SFXN5: variants seen among roughly 807,000 people sequenced by gnomAD.
SFXN5 encodes sideroflexin-5.
Under a neutral mutation model 50.2 loss-of-function variants are expected in SFXN5, and 43 were observed. The ratio of observed to expected loss-of-function variants is 0.86; its 90% CI spans 0.67 to 1.11. The LOEUF is 1.11. Among genes scored for constraint, SFXN5 ranks in the 50% least tolerant of loss-of-function variants. The pLI is 0.00. For missense variants in SFXN5, 463 were observed against 454.1 expected (o/e 1.02, Z -0.18); for synonymous variants, 203 against 185.8 (o/e 1.09, Z -0.75).
chr2:72,988,766 C>T (rs1000281288), intron 9 of SFXN5, among the ~76,000 whole-genome samples: 2 of 152,036 alleles, frequency 1.3e-5, no homozygotes, highest in Non-Finnish European at 2.9e-5. Context: ...TAAGCACCAT[C>T]TTTCTGAAAC....
chr2:72,970,877 G>A (rs1030567763), intron 11 of SFXN5, among the ~76,000 whole-genome samples: 2 of 152,002 alleles, frequency 1.3e-5, no homozygotes, highest in Non-Finnish European at 2.9e-5. Flanking sequence ...TAGTAGAGAC[G>A]GGGTTTTGCC....
rs56161051 is a variant in SFXN5, at chr2:72,992,596, G to A, written c.535-4248C>T. On this transcript the variant is annotated intron_variant, in intron 9 of 13. Coordinates refer to ENST00000272433, the MANE Select transcript of SFXN5 (RefSeq NM_144579.3). This position sits in a 1 kb window ranked among gnomAD's most constrained non-coding sequence, Gnocchi z 4.5. The stretch of plus-strand genomic sequence containing the variant: ...CTTCTCATGCCAGAGACCTCACAGC[G>A]TTCTGGGCAGGAGCCTCCTGGGGCC... Among the ~76,000 whole-genome samples the A allele has an allele frequency of 0.062, 9,477 of 152,252 alleles. 370 individuals carry two copies. The highest frequency in any genetic ancestry group is 0.16 in the East Asian group (852 of 5,172).
chr2:72,998,631 T>C, intron 9 of SFXN5: 1 of 359,600 alleles, frequency 2.8e-6, no homozygotes, highest in Admixed American at 4.2e-5. Flanking sequence ...CCAGCCACGT[T>C]ACCGAGCATG....
rs571986336 is a variant in SFXN5 at position 73,047,297 on chromosome 2, T to A, written c.172-6366A>T. Among the ~76,000 whole-genome samples the A allele has an allele frequency of 2.7e-3, 177 of 64,660 alleles. 4 individuals carry two copies. In the East Asian group the frequency reaches 0.028, roughly 10 times the overall value. 42.4% of individuals were successfully genotyped at this position (64,660 alleles called of 152,430 possible). A position where few individuals can be genotyped will look rare whatever the true frequency, so the allele number is the denominator to read the frequency against. On this transcript the variant is annotated intron_variant, in intron 2 of 13. Coordinates refer to ENST00000272433, the MANE Select transcript of SFXN5 (RefSeq NM_144579.3). ...ATATACACACATATATATATATATATAAAATATATATGTGTGTGTATGTAT... is the reference window on the plus strand; with the variant it reads ...ATATACACACATATATATATATATAAAAAATATATATGTGTGTGTATGTAT...
Position 72,961,304 on chromosome 2 carries a change from GC to G in SFXN5, c.828-57del. ...GACCCGAAGGTGGGGTGGGCTGGCTGCCAGCCACCATGCTGGGTCCCACTCT... is the reference window on the plus strand; with the variant it reads ...GACCCGAAGGTGGGGTGGGCTGGCTGCAGCCACCATGCTGGGTCCCACTCT... On this transcript the variant is annotated intron_variant, in intron 12 of 13. Coordinates refer to ENST00000272433, the MANE Select transcript of SFXN5 (RefSeq NM_144579.3). The surrounding 1 kb of genome is among the most constrained non-coding windows in gnomAD (Gnocchi z 4.4). 2 of 1,268,054 alleles carry G rather than the reference GC, an allele frequency of 1.6e-6. No homozygotes were observed. The highest frequency in any genetic ancestry group is 2.1e-6 in the Non-Finnish European group (2 of 940,226). 78.6% of individuals were successfully genotyped at this position (1,268,054 alleles called of 1,614,324 possible).
intron 2 of SFXN5, among the ~76,000 whole-genome samples, chr2:73,046,390 T>A (rs1178229422): frequency 6.5e-5 from 9 of 137,600 alleles, no homozygotes; most frequent in African/African-American, 2.3e-4. Context: ...GCCTGGGCAA[T>A]AGAGTGAGAC....
intron 10 of SFXN5, among the ~76,000 whole-genome samples, chr2:72,977,475 T>C (rs1670759282): frequency 6.6e-6 from 1 of 152,080 alleles, no homozygotes; most frequent in Non-Finnish European, 1.5e-5. Context: ...TCACTAATAA[T>C]CAGGGTTAGG....
At chr2:72,957,826 CTTG>C (rs1216039633) in intron 13 of SFXN5, among the ~76,000 whole-genome samples, 1 of 152,232 alleles carries the variant, frequency 6.6e-6, no homozygotes, top group East Asian at 1.9e-4. Context: ...TAGCCTGCAT[CTTG>C]TTGGGATCCA....
chr2:73,013,992 TATAA>T (rs1413494230), intron 6 of SFXN5, among the ~76,000 whole-genome samples: 1 of 152,182 alleles, frequency 6.6e-6, no homozygotes, highest in African/African-American at 2.4e-5. Context: ...TTTAACATTA[TATAA>T]ATGACAGAGA....
At chr2:72,989,168 C>T (rs922698263) in intron 9 of SFXN5, among the ~76,000 whole-genome samples, 3 of 152,190 alleles carry the variant, frequency 2.0e-5, no homozygotes, top group South Asian at 2.1e-4. Context: ...AGTTCAACCC[C>T]GAGAGTCCAG....
intron 3 of SFXN5, among the ~76,000 whole-genome samples, chr2:73,034,060 G>GT (rs1678654789): frequency 6.6e-6 from 1 of 152,202 alleles, no homozygotes; most frequent in Non-Finnish European, 1.5e-5. Context: ...TCTGTGTGCT[G>GT]TATCAGCAAT....
chr2:72,962,305 C>T (rs1228198179), intron 12 of SFXN5, among the ~76,000 whole-genome samples: 2 of 152,216 alleles, frequency 1.3e-5, no homozygotes, highest in African/African-American at 4.8e-5. Flanking sequence ...CTGACCATGC[C>T]ACAGGCAGGT....
chr2:73,046,625 C>T (rs916542506), intron 2 of SFXN5, among the ~76,000 whole-genome samples: 1 of 151,900 alleles, frequency 6.6e-6, no homozygotes, highest in African/African-American at 2.4e-5. Flanking sequence ...TGCAGTGAAC[C>T]ATGATCACTG....
At chr2:72,985,387 G>C (rs1281830176) in intron 10 of SFXN5, among the ~76,000 whole-genome samples, 1 of 152,130 alleles carries the variant, frequency 6.6e-6, no homozygotes, top group African/African-American at 2.4e-5. Flanking sequence ...GGTGAAGAGA[G>C]GCCAAGTACA....
At chr2:72,981,973 G>GTGTGTGTC (rs1420287701) in intron 10 of SFXN5, among the ~76,000 whole-genome samples, 1 of 151,332 alleles carries the variant, frequency 6.6e-6, no homozygotes, top group Admixed American at 6.6e-5. Flanking sequence ...CTTTGTGTGT[G>GTGTGTGTC]TGTGTGTGTG....
At chr2:72,949,707 G>A (rs975787102) in intron 13 of SFXN5, among the ~76,000 whole-genome samples, 11 of 152,116 alleles carry the variant, frequency 7.2e-5, no homozygotes, top group Non-Finnish European at 1.2e-4. Flanking sequence ...GAGCATCTGT[G>A]GGAATCAGAG....
intron 13 of SFXN5, among the ~76,000 whole-genome samples, chr2:72,956,358 TTG>T (rs1559083768): frequency 2.0e-5 from 3 of 152,114 alleles, no homozygotes; most frequent in African/African-American, 7.2e-5. Flanking sequence ...CAGCTCTGGG[TTG>T]GAAAAGACAT....
intron 13 of SFXN5, among the ~76,000 whole-genome samples, chr2:72,955,104 G>T (rs1183262880): frequency 6.6e-6 from 1 of 152,170 alleles, no homozygotes; most frequent in East Asian, 1.9e-4. Context: ...GCTCCCGGCT[G>T]CCCCCCTGCT....
chr2:73,027,164 G>A lies in SFXN5; in HGVS notation c.250-3950C>T, dbSNP rs568447635. 3.2e-3 allele frequency among the ~76,000 whole-genome samples: 493 copies of A among 152,256 alleles called. 5 individuals are homozygous for A. The highest frequency in any genetic ancestry group is 0.011 in the African/African-American group (469 of 41,542). ...TATCATAGGAGATGACAGTCCCGGC[G>A]TGTTACTGTCCCTGAAGACTTTCCA... On this transcript the variant is annotated intron_variant, in intron 3 of 13. Transcript: ENST00000272433.
Sources: gnomAD v4.1 joint callset for allele counts (sites outside exome capture counted in the v4.1 genomes callset) on GRCh38, gnomAD v4.1.1 for gene constraint, Gnocchi (gnomAD v3.1) non-coding constraint, MANE v1.5 for transcripts, NCBI Gene and HGNC (gene_info 2026-07-23, HGNC 2026-07-21) for gene names.